The following UFM1 variants were observed in gnomAD, a reference collection of about 807,000 sequenced individuals.
UFM1 encodes ubiquitin fold modifier 1.
Under a neutral mutation model 15.4 loss-of-function variants are expected in UFM1, and 9 were observed. The observed-to-expected ratio is 0.59, with a 90% CI of 0.35 to 1.02. The LOEUF (loss-of-function observed/expected upper bound fraction) is 1.02. Ranked by LOEUF, UFM1 falls within the 50% of genes least tolerant of loss-of-function variation. UFM1 has a pLI of 0.02. For missense variants in UFM1, 98 were observed against 104.7 expected (o/e 0.94, Z 0.28); for synonymous variants, 27 against 36.3 (o/e 0.74, Z 0.92).
At chr13:38,350,632 T>C (rs187885239) in intron 2 of UFM1, among the ~76,000 whole-genome samples, 9 of 152,276 alleles carry the variant, frequency 5.9e-5, no homozygotes, top group Admixed American at 4.6e-4. Context: ...GAATGGGAAA[T>C]GCAGATAGGG....
chr13:38,358,700 G>C (rs1270851994), intron 4 of UFM1, among the ~76,000 whole-genome samples: 1 of 152,040 alleles, frequency 6.6e-6, no homozygotes, highest in Non-Finnish European at 1.5e-5. Flanking sequence ...CAGTATTGAT[G>C]AGTGCTGATG....
intron 4 of UFM1, among the ~76,000 whole-genome samples, chr13:38,359,047 T>C (rs1282780342): frequency 6.6e-6 from 1 of 152,034 alleles, no homozygotes; most frequent in African/African-American, 2.4e-5. Flanking sequence ...ATAACCTATA[T>C]TCCATAGAAC....
rs559129486 is a variant in UFM1, at chr13:38,361,805, G to A, written c.*1027G>A. On this transcript the variant is annotated 3_prime_UTR_variant, in exon 6 of 6. Transcript: ENST00000239878. ...AGGAAACAGTGAAGGGGAACAGAAG[G>A]GGGTAGCAAAGTGTTACAGAAAAGC... The A allele has an allele frequency of 6.6e-6, 1 of 152,312 alleles. No individual in the cohort carries two copies. Among genetic ancestry groups the A allele is most frequent in the Non-Finnish European group, 1.5e-5 (1 of 68,110 alleles). The allele number at this position is 152,312 out of a possible 1,614,324, so 9.4% of individuals were successfully genotyped here.
At chr13:38,354,318 A>G in intron 3 of UFM1, 22 bp downstream of exon 3, 1 of 1,598,074 alleles carries the variant, frequency 6.3e-7, no homozygotes, top group Admixed American at 1.7e-5. Context: ...AGTTGGAACA[A>G]CCTTTATGGA....
intron 5 of UFM1, chr13:38,360,064 TA>T: frequency 2.5e-6 from 1 of 397,490 alleles, no homozygotes. Flanking sequence ...AATTCAGCCA[TA>T]AAGAAAATGA....
chr13:38,360,112 G>C (rs943104699), intron 5 of UFM1: 4 of 341,882 alleles, frequency 1.2e-5, no homozygotes, highest in African/African-American at 4.4e-5. Flanking sequence ...TACTTCAGTA[G>C]TTGTTAATAT....
chr13:38,354,302 T>C lies in UFM1; in HGVS notation c.117+6T>C, dbSNP rs1350724306. 1.2e-6 allele frequency: 2 copies of C among 1,607,748 alleles called. No homozygotes were observed. Among genetic ancestry groups the C allele is most frequent in the East Asian group, 2.2e-5 (1 of 44,708 alleles). ...TAAAGTTTGCAGCAGAAGAAGTAAG[T>C]ACAGAAGTTGGAACAACCTTTATGG... On this transcript the variant is annotated splice_donor_region_variant and intron_variant, in intron 3 of 5. Coordinates refer to ENST00000239878, the MANE Select transcript of UFM1 (RefSeq NM_016617.4).
At chr13:38,357,672 T>C (rs1879169384) in intron 3 of UFM1, among the ~76,000 whole-genome samples, 1 of 152,008 alleles carries the variant, frequency 6.6e-6, no homozygotes. Flanking sequence ...GAAGCCTTAC[T>C]GATAACACAG....
At chr13:38,357,022 C>T (rs915050744) in intron 3 of UFM1, among the ~76,000 whole-genome samples, 2 of 151,898 alleles carry the variant, frequency 1.3e-5, no homozygotes, top group Non-Finnish European at 2.9e-5. Flanking sequence ...TTAAAAAACA[C>T]ATCTTTTTAA....
chr13:38,354,565 T>C (rs1179673417), intron 3 of UFM1: 1 of 312,660 alleles, frequency 3.2e-6, no homozygotes, highest in African/African-American at 2.2e-5. Flanking sequence ...ACTAAAAAGG[T>C]GCTGATTTTT....
intron 3 of UFM1, among the ~76,000 whole-genome samples, chr13:38,356,762 A>G (rs2140057824): frequency 6.6e-6 from 1 of 151,760 alleles, no homozygotes; most frequent in East Asian, 1.9e-4. Flanking sequence ...AATACGAGAA[A>G]CACTTCATTT....
Position 38,362,773 on chromosome 13 carries a change from A to T in UFM1, c.*1995A>T, listed in dbSNP as rs922410689. ...AATTTGCCTGCTGTGTTACAAAAAT[A>T]AATTTATGTTGTCCTGTGCCATAAA... On this transcript the variant is annotated 3_prime_UTR_variant, in exon 6 of 6. Coordinates refer to ENST00000239878, the MANE Select transcript of UFM1 (RefSeq NM_016617.4). The T allele has an allele frequency of 6.6e-6, 1 of 152,172 alleles. No individual in the cohort carries two copies. The highest frequency in any genetic ancestry group is 2.4e-5 in the African/African-American group (1 of 41,454). The allele number at this position is 152,172 out of a possible 1,614,324, so 9.4% of individuals were successfully genotyped here.
At chr13:38,357,379 A>G (rs1879150529) in intron 3 of UFM1, among the ~76,000 whole-genome samples, 1 of 151,960 alleles carries the variant, frequency 6.6e-6, no homozygotes, top group South Asian at 2.1e-4. Flanking sequence ...ATTGATGGAT[A>G]AGTCCTAAAG....
chr13:38,353,113 T>TA (rs1478826410), intron 2 of UFM1, among the ~76,000 whole-genome samples: 1 of 151,988 alleles, frequency 6.6e-6, no homozygotes, highest in African/African-American at 2.4e-5. Flanking sequence ...TATTTTGGAG[T>TA]TGTGGAATGA....
intron 2 of UFM1, among the ~76,000 whole-genome samples, chr13:38,350,495 T>G (rs1311135448): frequency 1.3e-5 from 2 of 152,226 alleles, no homozygotes; most frequent in East Asian, 3.9e-4. Flanking sequence ...TGAAATTACT[T>G]GAACATTTGT....
chr13:38,362,874 C>G lies in UFM1; in HGVS notation c.*2096C>G, dbSNP rs1879482344. The G allele has an allele frequency of 6.6e-6, 1 of 152,212 alleles. No individual in the cohort carries two copies. The highest frequency in any genetic ancestry group is 1.5e-5 in the Non-Finnish European group (1 of 67,990). The allele number at this position is 152,212 out of a possible 1,614,324, so 9.4% of individuals were successfully genotyped here. A position where few individuals can be genotyped will look rare whatever the true frequency, so the allele number is the denominator to read the frequency against. ...AAAAACATTTTATTAAACAAGTAGACATTTTGTTATTAAAAAAATGTGATC... is the reference window on the plus strand; with the variant it reads ...AAAAACATTTTATTAAACAAGTAGAGATTTTGTTATTAAAAAAATGTGATC... On this transcript the variant is annotated 3_prime_UTR_variant, in exon 6 of 6. Transcript: ENST00000239878.
At position 38,362,561 on chromosome 13, in the gene UFM1, C is replaced by T. The variant is rs1372147343; in HGVS notation, c.*1783C>T. The T allele has an allele frequency of 6.6e-6, 1 of 151,492 alleles. No individual in the cohort carries two copies. Among genetic ancestry groups the T allele is most frequent in the African/African-American group, 2.4e-5 (1 of 41,274 alleles). The allele number at this position is 151,492 out of a possible 1,614,324, so 9.4% of individuals were successfully genotyped here. On this transcript the variant is annotated 3_prime_UTR_variant, in exon 6 of 6. Transcript: ENST00000239878. ...GACTACAGGCATGCACCACCACGCC[C>T]AGCTAATTTTTGTATTTTTAGCAGA...
At position 38,352,486 on chromosome 13, in the gene UFM1, GTTA is replaced by G. The variant is rs553215769; in HGVS notation, c.60-1747_60-1745del. 2.9e-3 allele frequency among the ~76,000 whole-genome samples: 438 copies of G among 152,128 alleles called. 1 individual carries two copies. Among genetic ancestry groups the G allele is most frequent in the African/African-American group, 0.01 (422 of 41,502 alleles). On this transcript the variant is annotated intron_variant, in intron 2 of 5. Transcript: ENST00000239878. ...TTTATAATAATTCTTACCAATTTATGTTATTATTTTGTTTATATATTTATTTAA... is the reference window on the plus strand; with the variant it reads ...TTTATAATAATTCTTACCAATTTATGTTATTTTGTTTATATATTTATTTAA...
chr13:38,358,192 A>G, intron 4 of UFM1, 60 bp downstream of exon 4: 2 of 1,108,398 alleles, frequency 1.8e-6, no homozygotes, highest in Non-Finnish European at 2.5e-6. Context: ...TGTAAAAGGA[A>G]CCAAATTAAT....
Sources: allele counts gnomAD v4.1 joint callset (sites outside exome capture counted in the v4.1 genomes callset), GRCh38; gene constraint gnomAD v4.1.1; transcripts MANE v1.5; gene names NCBI Gene and HGNC (gene_info 2026-07-23, HGNC 2026-07-21).